SOCS6: variants seen among roughly 807,000 people sequenced by gnomAD.
SOCS6 encodes the protein STAT induced STAT inhibitor-4.
Under a neutral mutation model 27.7 loss-of-function variants are expected in SOCS6, and 5 were observed. That is an observed-to-expected ratio of 0.18 (90% CI 0.09 to 0.38). The LOEUF (loss-of-function observed/expected upper bound fraction) is 0.38, where lower values mean the gene tolerates loss of function less well. SOCS6 is among the 10% of genes least tolerant of loss of function. SOCS6 has a pLI of 1.00. For synonymous variants in SOCS6, 271 were observed against 260.0 expected (o/e 1.04, Z -0.41); for missense variants, 595 against 688.1 (o/e 0.86, Z 1.51).
chr18:70,324,618 A>G lies in SOCS6; in HGVS notation c.-51A>G, dbSNP rs1911115146. 1 of 1,260,302 alleles carries G rather than the reference A, an allele frequency of 7.9e-7. No homozygotes were observed. The highest frequency in any genetic ancestry group is 1.5e-5 in the African/African-American group (1 of 66,656). 78.1% of individuals were successfully genotyped at this position (1,260,302 alleles called of 1,614,324 possible). On this transcript the variant is annotated 5_prime_UTR_variant, in exon 2 of 2. Coordinates refer to ENST00000397942, the MANE Select transcript of SOCS6 (RefSeq NM_004232.4). ...TTGCAGCCTCTCCAGATGTTTGGGG[A>G]TAATATTCCAGATAGAAATATTGAT...
intron 1 of SOCS6, among the ~76,000 whole-genome samples, chr18:70,296,906 C>CTTTTTT (rs375704179): frequency 0.19 from 24,831 of 128,198 alleles, 2,909 homozygotes; most frequent in East Asian, 0.57. Context: ...CATTTTCTTT[C>CTTTTTT]TTTTTTTTTT....
chr18:70,302,159 C>G (rs548844321), intron 1 of SOCS6, among the ~76,000 whole-genome samples: 21 of 152,022 alleles, frequency 1.4e-4, no homozygotes, highest in Non-Finnish European at 2.8e-4. Flanking sequence ...ATTAAGTGTG[C>G]CAGCTGACGG....
Position 70,294,915 on chromosome 18 carries a change from G to A in SOCS6, c.-127+5825G>A, listed in dbSNP as rs188052406. 1.4e-3 allele frequency among the ~76,000 whole-genome samples: 214 copies of A among 152,356 alleles called. 1 individual carries two copies. The highest frequency in any genetic ancestry group is 4.0e-3 in the African/African-American group (165 of 41,570). On this transcript the variant is annotated intron_variant, in intron 1 of 1. Transcript: ENST00000397942. ...AATACTTTCTAAAATTGTTAAAAGG[G>A]CATCACACTTGGAGACTGGGGAGTG... is the stretch of plus-strand genomic sequence containing the variant.
intron 1 of SOCS6, among the ~76,000 whole-genome samples, chr18:70,312,323 T>G (rs1167840771): frequency 6.6e-6 from 1 of 151,718 alleles, no homozygotes; most frequent in Non-Finnish European, 1.5e-5. Flanking sequence ...CTTTTTGTTT[T>G]GTTTTTTTTT....
chr18:70,305,052 C>G (rs1302158844), intron 1 of SOCS6, among the ~76,000 whole-genome samples: 1 of 151,958 alleles, frequency 6.6e-6, no homozygotes, highest in Non-Finnish European at 1.5e-5. Flanking sequence ...TAAGAAAATA[C>G]AAAAATTTGC....
In SOCS6 at chr18:70,327,891, T is replaced by C. The variant is rs1365788979; in HGVS notation, c.*1615T>C. The C allele has an allele frequency of 6.0e-6, 1 of 166,916 alleles. No individual in the cohort carries two copies. The highest frequency in any genetic ancestry group is 2.4e-5 in the African/African-American group (1 of 41,448). The allele number at this position is 166,916 out of a possible 1,614,324, so 10.3% of individuals were successfully genotyped here. A position where few individuals can be genotyped will look rare whatever the true frequency, so the allele number is the denominator to read the frequency against. On this transcript the variant is annotated 3_prime_UTR_variant, in exon 2 of 2. Coordinates refer to ENST00000397942, the MANE Select transcript of SOCS6 (RefSeq NM_004232.4). ...ACTGGCTTTGTCATTCAAGCATATCTGAATCCTCACTTTTTTCTCTTTGCT... is the reference window on the plus strand; with the variant it reads ...ACTGGCTTTGTCATTCAAGCATATCCGAATCCTCACTTTTTTCTCTTTGCT...
In SOCS6 at chr18:70,326,419, G is replaced by A; in HGVS notation, c.*143G>A. The A allele has an allele frequency of 1.4e-6, 1 of 734,744 alleles. No homozygotes were observed. Among genetic ancestry groups the A allele is most frequent in the Non-Finnish European group, 2.2e-6 (1 of 449,956 alleles). 45.5% of individuals were successfully genotyped at this position (734,744 alleles called of 1,614,324 possible). ...GTAAAAGAGTCATCAGTTTGTTTAG[G>A]GGTGGGGAAGTGTCAGCAAGGTGTC... On this transcript the variant is annotated 3_prime_UTR_variant, in exon 2 of 2. Coordinates refer to ENST00000397942, the MANE Select transcript of SOCS6 (RefSeq NM_004232.4).
At chr18:70,291,215 A>G (rs2062297896) in intron 1 of SOCS6, among the ~76,000 whole-genome samples, 3 of 151,614 alleles carry the variant, frequency 2.0e-5, no homozygotes, top group African/African-American at 7.3e-5. Flanking sequence ...CAAGTGATCC[A>G]CCTCCCTCAG....
intron 1 of SOCS6, among the ~76,000 whole-genome samples, chr18:70,305,238 T>G (rs1354824416): frequency 6.6e-6 from 1 of 152,244 alleles, no homozygotes; most frequent in East Asian, 1.9e-4. Context: ...TTTATAGTTT[T>G]AGTTCATACA....
In SOCS6 at chr18:70,326,866, CT is replaced by C. The variant is rs1911229975; in HGVS notation, c.*596del. On this transcript the variant is annotated 3_prime_UTR_variant, in exon 2 of 2. Coordinates refer to ENST00000397942, the MANE Select transcript of SOCS6 (RefSeq NM_004232.4). Reference sequence around the variant, plus strand: ...ATCTGCAACATATCTTTTAACAACACTTTTTTCTAAATTATTTCTAAGGTTG... The same window carrying C: ...ATCTGCAACATATCTTTTAACAACACTTTTTCTAAATTATTTCTAAGGTTG... 1 of 166,900 alleles carries C rather than the reference CT, an allele frequency of 6.0e-6. No individual in the cohort carries two copies. Among genetic ancestry groups the C allele is most frequent in the South Asian group, 2.1e-4 (1 of 4,828 alleles). The allele number at this position is 166,900 out of a possible 1,614,324, so 10.3% of individuals were successfully genotyped here.
chr18:70,295,540 A>G (rs1340116102), intron 1 of SOCS6, among the ~76,000 whole-genome samples: 1 of 152,210 alleles, frequency 6.6e-6, no homozygotes, highest in Non-Finnish European at 1.5e-5. Context: ...TCAGTAATGT[A>G]TTACCATCCC....
intron 1 of SOCS6, among the ~76,000 whole-genome samples, chr18:70,300,350 A>G (rs2062342912): frequency 6.6e-6 from 1 of 152,108 alleles, no homozygotes; most frequent in African/African-American, 2.4e-5. Flanking sequence ...GCTAGTCTCG[A>G]ACACCTGACC....
chr18:70,318,310 C>T (rs1459338708), intron 1 of SOCS6, among the ~76,000 whole-genome samples: 2 of 151,988 alleles, frequency 1.3e-5, no homozygotes, highest in Non-Finnish European at 2.9e-5. Context: ...CAAAAATATT[C>T]TTATTTGTTC....
chr18:70,323,817 CTT>C (rs1016490090), intron 1 of SOCS6, among the ~76,000 whole-genome samples: 3 of 152,124 alleles, frequency 2.0e-5, no homozygotes, highest in African/African-American at 7.2e-5. Flanking sequence ...TATGGAACGC[CTT>C]TACTGTCGTG....
chr18:70,296,906 C>CTTTTTTTTTTTTTT (rs375704179), intron 1 of SOCS6, among the ~76,000 whole-genome samples: 1 of 129,152 alleles, frequency 7.7e-6, no homozygotes, highest in Non-Finnish European at 1.6e-5. Context: ...CATTTTCTTT[C>CTTTTTTTTTTTTTT]TTTTTTTTTT....
At chr18:70,293,403 G>A (rs1330432943) in intron 1 of SOCS6, among the ~76,000 whole-genome samples, 1 of 152,144 alleles carries the variant, frequency 6.6e-6, no homozygotes, top group Non-Finnish European at 1.5e-5. Flanking sequence ...AGTGACTCAA[G>A]TACCAGACTG....
Position 70,329,066 on chromosome 18 carries a change from G to A in SOCS6, c.*2790G>A, listed in dbSNP as rs552906856. 1.7e-4 allele frequency: 29 copies of A among 167,114 alleles called. No homozygotes were observed. Among genetic ancestry groups the A allele is most frequent in the Non-Finnish European group, 3.8e-4 (26 of 68,100 alleles). 10.4% of individuals were successfully genotyped at this position (167,114 alleles called of 1,614,324 possible). ...TGTTTTCTATTAAATATTTCATCAC[G>A]AAATATGATGGAGGCCAGAAGCTAT... On this transcript the variant is annotated 3_prime_UTR_variant, in exon 2 of 2. Coordinates refer to ENST00000397942, the MANE Select transcript of SOCS6 (RefSeq NM_004232.4).
At chr18:70,322,802 G>A (rs910834965) in intron 1 of SOCS6, among the ~76,000 whole-genome samples, 10 of 152,108 alleles carry the variant, frequency 6.6e-5, no homozygotes, top group African/African-American at 2.4e-4. Flanking sequence ...CCCCTGATAG[G>A]TTGTCTAATC....
rs1401512414 is a variant in SOCS6, at chr18:70,317,508, A to G, written c.-126-7035A>G. ...TACATATATACACATATATACATACATATATACATACATATATACGTATAT... is the reference window on the plus strand; with the variant it reads ...TACATATATACACATATATACATACGTATATACATACATATATACGTATAT... On this transcript the variant is annotated intron_variant, in intron 1 of 1. Transcript: ENST00000397942. Among the ~76,000 whole-genome samples the G allele has an allele frequency of 7.6e-5, 7 of 92,562 alleles. 1 individual carries two copies. The South Asian group carries it at 1.8e-3, about 24-fold the overall frequency. The allele number at this position is 92,562 out of a possible 152,430, so 60.7% of individuals were successfully genotyped here. A position where few individuals can be genotyped will look rare whatever the true frequency, so the allele number is the denominator to read the frequency against.
Sources: gnomAD v4.1 joint callset for allele counts (sites outside exome capture counted in the v4.1 genomes callset) on GRCh38, gnomAD v4.1.1 for gene constraint, MANE v1.5 for transcripts, NCBI Gene and HGNC (gene_info 2026-07-23, HGNC 2026-07-21) for gene names.